The following ARNT2 variants were observed in gnomAD, a reference collection of about 807,000 sequenced individuals.
ARNT2 encodes aryl hydrocarbon receptor nuclear translocator 2.
Under a neutral mutation model 91.7 loss-of-function variants are expected in ARNT2, and 36 were observed. The ratio of observed to expected loss-of-function variants is 0.39; its 90% CI spans 0.30 to 0.52. The LOEUF (loss-of-function observed/expected upper bound fraction) is 0.52, where lower values mean the gene tolerates loss of function less well. Among genes scored for constraint, ARNT2 ranks in the 20% least tolerant of loss-of-function variants. ARNT2 has a pLI of 0.72. For missense variants in ARNT2, 775 were observed against 939.3 expected (o/e 0.83, Z 2.29); for synonymous variants, 365 against 347.1 (o/e 1.05, Z -0.57).
chr15:80,587,713 T>C (rs1893199699), intron 17 of ARNT2, among the ~76,000 whole-genome samples: 1 of 152,132 alleles, frequency 6.6e-6, no homozygotes, highest in African/African-American at 2.4e-5. Flanking sequence ...ACAGTCTATC[T>C]GGGCTGGGAG....
intron 5 of ARNT2, among the ~76,000 whole-genome samples, chr15:80,503,256 C>T (rs1408276157): frequency 6.6e-6 from 1 of 152,230 alleles, no homozygotes; most frequent in Non-Finnish European, 1.5e-5. Context: ...GGATTCACAA[C>T]CCAGTGCTGG....
At chr15:80,493,352 G>A (rs1370719307) in intron 5 of ARNT2, among the ~76,000 whole-genome samples, 1 of 151,938 alleles carries the variant, frequency 6.6e-6, no homozygotes, top group African/African-American at 2.4e-5. Flanking sequence ...AGCAAGTGGC[G>A]GGGGGTGGGG....
intron 12 of ARNT2, among the ~76,000 whole-genome samples, chr15:80,563,953 G>A (rs1423306865): frequency 6.6e-6 from 1 of 152,192 alleles, no homozygotes; most frequent in African/African-American, 2.4e-5. Context: ...AGCACAGTGA[G>A]CATGACCTTG....
At chr15:80,490,216 C>T (rs1052293888) in intron 5 of ARNT2, among the ~76,000 whole-genome samples, 11 of 152,070 alleles carry the variant, frequency 7.2e-5, no homozygotes, top group African/African-American at 2.4e-4. Flanking sequence ...GGGACAAAGC[C>T]TGGGAGAGTA....
intron 17 of ARNT2, among the ~76,000 whole-genome samples, chr15:80,586,494 C>T (rs1481986108): frequency 6.6e-6 from 1 of 152,172 alleles, no homozygotes; most frequent in Non-Finnish European, 1.5e-5. Context: ...AACACATTGC[C>T]TTTTTGTAAA....
intron 8 of ARNT2, among the ~76,000 whole-genome samples, chr15:80,532,669 A>G (rs1897758006): frequency 6.6e-6 from 1 of 152,126 alleles, no homozygotes; most frequent in African/African-American, 2.4e-5. Context: ...CTGTAGCAGA[A>G]AGTTATTTTA....
intron 1 of ARNT2, among the ~76,000 whole-genome samples, chr15:80,424,048 G>A (rs1463845186): frequency 3.3e-5 from 5 of 152,170 alleles, no homozygotes; most frequent in Non-Finnish European, 7.3e-5. Flanking sequence ...TGGTGGCCCA[G>A]TTGCATCTTA....
In ARNT2 at chr15:80,557,152, G is replaced by A. The variant is rs144674802; in HGVS notation, c.1164+2013G>A. 2.0e-3 allele frequency among the ~76,000 whole-genome samples: 297 copies of A among 152,214 alleles called. 1 individual carries two copies. Among genetic ancestry groups the A allele is most frequent in the Middle Eastern group, 0.01 (3 of 292 alleles). ...ACACAGGACTCCAAATTTATGCCAC[G>A]TATGTGGATAGAACTCTTAACCCCC... On this transcript the variant is annotated intron_variant, in intron 11 of 18. Transcript: ENST00000303329.
At chr15:80,590,701 C>T (rs1331846844) in intron 17 of ARNT2, among the ~76,000 whole-genome samples, 3 of 152,234 alleles carry the variant, frequency 2.0e-5, no homozygotes, top group Admixed American at 6.5e-5. Flanking sequence ...ATGATTGCAC[C>T]ACTGCATTCC....
At chr15:80,434,117 G>C (rs1348310615) in intron 1 of ARNT2, 1 of 152,250 alleles carries the variant, frequency 6.6e-6, no homozygotes, top group Non-Finnish European at 1.5e-5. Context: ...GCTGGCTTTG[G>C]GGAAAAAGGC....
chr15:80,539,240 A>G (rs1398359931), intron 8 of ARNT2, among the ~76,000 whole-genome samples: 1 of 152,178 alleles, frequency 6.6e-6, no homozygotes, highest in Non-Finnish European at 1.5e-5. Flanking sequence ...TTCATGTGTT[A>G]GGATAAAGAT....
chr15:80,513,044 G>A (rs2141427450), intron 6 of ARNT2, among the ~76,000 whole-genome samples: 1 of 152,334 alleles, frequency 6.6e-6, no homozygotes, highest in Middle Eastern at 3.4e-3. Flanking sequence ...CACTAGTGCT[G>A]GCAGCTGTCT....
intron 2 of ARNT2, among the ~76,000 whole-genome samples, chr15:80,456,403 C>A (rs547932032): frequency 6.6e-6 from 1 of 152,122 alleles, no homozygotes; most frequent in Admixed American, 6.5e-5. Context: ...GTTAGTATAA[C>A]CCTTGTGTCC....
At chr15:80,458,105 C>A in intron 3 of ARNT2, 129 bp downstream of exon 3, 1 of 964,728 alleles carries the variant, frequency 1.0e-6, no homozygotes, top group Non-Finnish European at 1.6e-6. Context: ...GTCCCTCACT[C>A]TGTGGCAGTA....
At chr15:80,414,112 C>T (rs1419023094) in intron 1 of ARNT2, among the ~76,000 whole-genome samples, 1 of 152,150 alleles carries the variant, frequency 6.6e-6, no homozygotes, top group Non-Finnish European at 1.5e-5. Context: ...CTTCAATAGA[C>T]CTCTAAGTTG....
At chr15:80,536,779 A>C (rs942587915) in intron 8 of ARNT2, among the ~76,000 whole-genome samples, 1 of 152,164 alleles carries the variant, frequency 6.6e-6, no homozygotes, top group African/African-American at 2.4e-5. Flanking sequence ...GAAGCATCCT[A>C]GGTTTTAGTG....
At chr15:80,553,677 C>A (rs984444112) in intron 10 of ARNT2, among the ~76,000 whole-genome samples, 2 of 151,908 alleles carry the variant, frequency 1.3e-5, no homozygotes, top group Admixed American at 1.3e-4. Context: ...GGATATATAG[C>A]AGTTTATTGT....
chr15:80,563,362 G>T, intron 12 of ARNT2, 123 bp downstream of exon 12: 1 of 1,294,936 alleles, frequency 7.7e-7, no homozygotes, highest in Non-Finnish European at 1.1e-6. Context: ...ATCCCTGTAG[G>T]ATTAAGAATA....
In ARNT2 at chr15:80,404,460, T is replaced by C. The variant is rs2141547147; in HGVS notation, c.-56T>C. ...GGGTCCCCGGGGCTGAGCGCCGGGC[T>C]CCGCGCCGCCCCTCCCGCGCCCCTG... On this transcript the variant is annotated 5_prime_UTR_variant, in exon 1 of 19. Transcript: ENST00000303329. This position sits in a 1 kb window ranked among gnomAD's most constrained non-coding sequence, Gnocchi z 5.5. 1.7e-6 allele frequency: 2 copies of C among 1,163,446 alleles called. No homozygotes were observed. Among genetic ancestry groups the C allele is most frequent in the Non-Finnish European group, 1.1e-6 (1 of 923,770 alleles). 72.1% of individuals were successfully genotyped at this position (1,163,446 alleles called of 1,614,324 possible). A position where few individuals can be genotyped will look rare whatever the true frequency, so the allele number is the denominator to read the frequency against.
Sources: gnomAD v4.1 joint callset for allele counts (sites outside exome capture counted in the v4.1 genomes callset) on GRCh38, gnomAD v4.1.1 for gene constraint, Gnocchi (gnomAD v3.1) non-coding constraint, MANE v1.5 for transcripts, NCBI Gene and HGNC (gene_info 2026-07-23, HGNC 2026-07-21) for gene names.